Variants in NRXN3 observed in about 807,000 individuals in gnomAD.
NRXN3 encodes the protein neurexin III.
NRXN3 carries 32 observed loss-of-function variants against 137.6 expected under a neutral mutation model. The ratio of observed to expected loss-of-function variants is 0.23; its 90% CI spans 0.18 to 0.31. NRXN3 has a LOEUF of 0.31. NRXN3 is among the 10% of genes least tolerant of loss of function. NRXN3 has a pLI of 1.00. For synonymous variants in NRXN3, 798 were observed against 784.5 expected (o/e 1.02, Z -0.29); for missense variants, 1,574 against 2,062.5 (o/e 0.76, Z 4.59).
intron 15 of NRXN3, among the ~76,000 whole-genome samples, chr14:79,106,197 T>C (rs1401493719): frequency 6.6e-6 from 1 of 152,062 alleles, no homozygotes; most frequent in Admixed American, 6.6e-5. Context: ...AGGATTATAA[T>C]CTCTCAGATA....
intron 3 of NRXN3, among the ~76,000 whole-genome samples, chr14:78,290,461 A>G (rs1313250256): frequency 6.6e-6 from 1 of 152,084 alleles, no homozygotes; most frequent in Admixed American, 6.5e-5. Flanking sequence ...AAGGTCAGGG[A>G]ATTACTCAGG....
At chr14:78,702,187 T>C (rs2098287899) in intron 6 of NRXN3, among the ~76,000 whole-genome samples, 1 of 152,092 alleles carries the variant, frequency 6.6e-6, no homozygotes, top group African/African-American at 2.4e-5. Context: ...TGAATCTAAA[T>C]CTGAGCAAGT....
intron 16 of NRXN3, among the ~76,000 whole-genome samples, chr14:79,505,198 A>G (rs1227023718): frequency 6.6e-6 from 1 of 150,412 alleles, no homozygotes. Context: ...CTGGGCAACA[A>G]GAGTGAAACT....
At chr14:78,927,853 T>A (rs1351994156) in intron 10 of NRXN3, among the ~76,000 whole-genome samples, 1 of 152,140 alleles carries the variant, frequency 6.6e-6, no homozygotes, top group Non-Finnish European at 1.5e-5. Flanking sequence ...TAGTGTCATC[T>A]CTACATGCCT....
At chr14:78,852,225 A>G (rs1296777408) in intron 10 of NRXN3, among the ~76,000 whole-genome samples, 1 of 152,150 alleles carries the variant, frequency 6.6e-6, no homozygotes, top group African/African-American at 2.4e-5. Flanking sequence ...TTGCTTACAC[A>G]TCCATCATTG....
At chr14:78,739,225 A>G (rs77853099) in intron 8 of NRXN3, among the ~76,000 whole-genome samples, 1,560 of 152,354 alleles carry the variant, frequency 0.01, 30 homozygotes, top group African/African-American at 0.036. Context: ...ACATATCAAG[A>G]AGTTCCAAGC....
At chr14:78,885,591 T>A (rs566192546) in intron 10 of NRXN3, among the ~76,000 whole-genome samples, 17 of 152,258 alleles carry the variant, frequency 1.1e-4, no homozygotes, top group Non-Finnish European at 2.5e-4. Flanking sequence ...CAAATTTGTA[T>A]GATGTCATCA....
intron 1 of NRXN3, among the ~76,000 whole-genome samples, chr14:78,178,213 G>A (rs2059451753): frequency 6.6e-6 from 1 of 152,088 alleles, no homozygotes; most frequent in Non-Finnish European, 1.5e-5. Flanking sequence ...CACCTCCATG[G>A]GCCTGTCCTC....
chr14:79,655,680 C>T (rs1002214782), intron 16 of NRXN3, among the ~76,000 whole-genome samples: 5 of 152,012 alleles, frequency 3.3e-5, no homozygotes, highest in Admixed American at 6.6e-5. Flanking sequence ...GATATTAGAG[C>T]CAGCTATTTC....
At chr14:78,634,786 A>G (rs1326581508) in intron 4 of NRXN3, among the ~76,000 whole-genome samples, 1 of 152,192 alleles carries the variant, frequency 6.6e-6, no homozygotes, top group Non-Finnish European at 1.5e-5. Context: ...CTTGTTACAT[A>G]CAAATAGAGC....
intron 15 of NRXN3, among the ~76,000 whole-genome samples, chr14:79,324,142 A>G (rs1477558167): frequency 1.3e-5 from 2 of 152,234 alleles, no homozygotes; most frequent in Non-Finnish European, 2.9e-5. Context: ...TTGCCCAGAA[A>G]TAATTTGGCC....
intron 8 of NRXN3, among the ~76,000 whole-genome samples, chr14:78,778,196 TGAG>T (rs1218755776): frequency 6.6e-6 from 1 of 152,246 alleles, no homozygotes; most frequent in Non-Finnish European, 1.5e-5. Flanking sequence ...GTGTGAGTCA[TGAG>T]AAGAAGGTAA....
At chr14:79,027,246 G>A (rs1184239123) in intron 15 of NRXN3, among the ~76,000 whole-genome samples, 1 of 151,676 alleles carries the variant, frequency 6.6e-6, no homozygotes, top group African/African-American at 2.4e-5. Flanking sequence ...GGAATAGTAA[G>A]CAAGTGATTC....
chr14:79,287,916 A>T (rs908181332), intron 15 of NRXN3, among the ~76,000 whole-genome samples: 1 of 152,170 alleles, frequency 6.6e-6, no homozygotes, highest in African/African-American at 2.4e-5. Context: ...TAGCTGGGGA[A>T]AACTTTCCTT....
At chr14:78,413,445 C>T (rs1342393844) in intron 4 of NRXN3, among the ~76,000 whole-genome samples, 1 of 152,126 alleles carries the variant, frequency 6.6e-6, no homozygotes, top group Non-Finnish European at 1.5e-5. Context: ...GCCACCACGC[C>T]CGGCTAATTT....
chr14:79,271,607 G>A (rs559775380), intron 15 of NRXN3, among the ~76,000 whole-genome samples: 24 of 142,200 alleles, frequency 1.7e-4, no homozygotes, highest in African/African-American at 4.8e-4. Flanking sequence ...TTCTCCTGCC[G>A]TGCCTTGCCT....
intron 8 of NRXN3, chr14:78,753,640 GT>G (rs1427881776): frequency 6.6e-6 from 1 of 152,052 alleles, no homozygotes; most frequent in African/African-American, 2.4e-5. Flanking sequence ...CATTTAGTCA[GT>G]CCCCACAAAC....
At chr14:78,378,766 A>G (rs986386025) in intron 4 of NRXN3, among the ~76,000 whole-genome samples, 6 of 152,164 alleles carry the variant, frequency 3.9e-5, no homozygotes, top group African/African-American at 1.4e-4. Flanking sequence ...GAAGAAAGGA[A>G]AGAATAAAGA....
At chr14:79,346,895 A>T (rs1044324959) in intron 15 of NRXN3, among the ~76,000 whole-genome samples, 3 of 152,200 alleles carry the variant, frequency 2.0e-5, no homozygotes, top group African/African-American at 7.2e-5. Flanking sequence ...TTATCACCCC[A>T]GGCTCAATGT....
Sources: gnomAD v4.1 joint callset for allele counts (sites outside exome capture counted in the v4.1 genomes callset) on GRCh38, gnomAD v4.1.1 for gene constraint, MANE v1.5 for transcripts, NCBI Gene and HGNC (gene_info 2026-07-23, HGNC 2026-07-21) for gene names.